The following AGBL4 variants were observed in gnomAD, a reference collection of about 807,000 sequenced individuals.
AGBL4 encodes the protein cytosolic carboxypeptidase 6.
Under a neutral mutation model 66.4 loss-of-function variants are expected in AGBL4, and 58 were observed. The ratio of observed to expected loss-of-function variants is 0.87; its 90% CI spans 0.71 to 1.09. AGBL4 has a LOEUF of 1.09. AGBL4 is among the 50% of genes least tolerant of loss of function. The probability of loss-of-function intolerance (pLI) is 0.00; values close to 1 mark genes in which losing one functional copy is unlikely to be tolerated. For synonymous variants in AGBL4, 234 were observed against 222.9 expected, an observed-to-expected ratio of 1.05 and a Z score of -0.44; for missense variants, 579 against 631.0, an observed-to-expected ratio of 0.92 and a Z score of 0.88.
intron 3 of AGBL4, among the ~76,000 whole-genome samples, chr1:49,634,767 G>A (rs892060566): frequency 6.6e-6 from 1 of 152,204 alleles, no homozygotes; most frequent in African/African-American, 2.4e-5. Flanking sequence ...TAACCGGCAT[G>A]AGATGGCAAA....
chr1:48,693,260 G>C (rs56990085), intron 6 of AGBL4, among the ~76,000 whole-genome samples: 1 of 152,114 alleles, frequency 6.6e-6, no homozygotes, highest in African/African-American at 2.4e-5. Flanking sequence ...GAAAGGGAGT[G>C]TATCTGAAGA....
rs113199370 is a variant in AGBL4 at position 49,618,792 on chromosome 1, C to A, written c.282+78521G>T. 8.7e-3 allele frequency among the ~76,000 whole-genome samples: 1,321 copies of A among 152,242 alleles called. 15 individuals are homozygous for A. The highest frequency in any genetic ancestry group is 0.031 in the African/African-American group (1,268 of 41,528). On this transcript the variant is annotated intron_variant, in intron 3 of 13. Transcript: ENST00000371839. ...CCACCATGATCAAGTTGGCTTCATC[C>A]CTGGGATGCAAGGCTGGTTCAACGT...
chr1:48,584,546 T>C (rs955166806), intron 11 of AGBL4: 1 of 152,152 alleles, frequency 6.6e-6, no homozygotes, highest in African/African-American at 2.4e-5. Context: ...TAAAACCCCA[T>C]CTCTGCTAAA....
At chr1:49,049,155 T>C (rs1255890363) in intron 4 of AGBL4, among the ~76,000 whole-genome samples, 1 of 152,108 alleles carries the variant, frequency 6.6e-6, no homozygotes, top group Non-Finnish European at 1.5e-5. Context: ...TAACACAATT[T>C]TGTGCCATAC....
intron 3 of AGBL4, among the ~76,000 whole-genome samples, chr1:49,370,574 C>T (rs1021781893): frequency 1.1e-4 from 17 of 152,150 alleles, no homozygotes; most frequent in Middle Eastern, 3.2e-3. Context: ...TTCACAGCAA[C>T]ATCTGGACTA....
intron 3 of AGBL4, among the ~76,000 whole-genome samples, chr1:49,652,112 C>T (rs1291743064): frequency 6.6e-6 from 1 of 152,030 alleles, no homozygotes; most frequent in African/African-American, 2.4e-5. Context: ...GCTTGAAGGC[C>T]AGTCTTTCTA....
At chr1:48,939,860 C>A (rs1460282562) in intron 5 of AGBL4, among the ~76,000 whole-genome samples, 1 of 152,162 alleles carries the variant, frequency 6.6e-6, no homozygotes, top group African/African-American at 2.4e-5. Flanking sequence ...AATTTTAACC[C>A]ACAGCGGACA....
intron 4 of AGBL4, among the ~76,000 whole-genome samples, chr1:49,102,195 C>T (rs1288504892): frequency 6.6e-6 from 1 of 152,226 alleles, no homozygotes; most frequent in East Asian, 1.9e-4. Flanking sequence ...AAAGAGAATC[C>T]AGAGACTATC....
intron 3 of AGBL4, among the ~76,000 whole-genome samples, chr1:49,267,883 A>G (rs1643960499): frequency 6.6e-6 from 1 of 152,088 alleles, no homozygotes; most frequent in Non-Finnish European, 1.5e-5. Context: ...AGATGTATTC[A>G]CTACCACAAG....
chr1:49,917,997 C>T (rs1163625968), intron 1 of AGBL4, among the ~76,000 whole-genome samples: 2 of 151,994 alleles, frequency 1.3e-5, no homozygotes, highest in African/African-American at 4.8e-5. Context: ...GGGTACATAA[C>T]GAAATGAAGG....
At chr1:48,554,268 A>G (rs1644290522) in intron 11 of AGBL4, among the ~76,000 whole-genome samples, 1 of 152,192 alleles carries the variant, frequency 6.6e-6, no homozygotes, top group Non-Finnish European at 1.5e-5. Flanking sequence ...GGAATGAGCA[A>G]TGTCCTGTGA....
chr1:49,124,259 C>T (rs921548875), intron 4 of AGBL4, among the ~76,000 whole-genome samples: 2 of 152,134 alleles, frequency 1.3e-5, no homozygotes, highest in Non-Finnish European at 2.9e-5. Flanking sequence ...TCCCCTGCCT[C>T]CAATCCTGGT....
intron 6 of AGBL4, among the ~76,000 whole-genome samples, chr1:48,709,109 A>C: frequency 6.6e-6 from 1 of 152,184 alleles, no homozygotes; most frequent in East Asian, 1.9e-4. Flanking sequence ...TACTTGGATA[A>C]GGTTCCCCTC....
At chr1:48,921,413 A>G (rs1654065636) in intron 5 of AGBL4, among the ~76,000 whole-genome samples, 1 of 152,184 alleles carries the variant, frequency 6.6e-6, no homozygotes, top group African/African-American at 2.4e-5. Flanking sequence ...AATATCAGAC[A>G]TATGCTACAA....
chr1:49,195,481 C>T (rs1253602590), intron 4 of AGBL4, among the ~76,000 whole-genome samples: 3 of 151,976 alleles, frequency 2.0e-5, no homozygotes, highest in African/African-American at 7.3e-5. Context: ...AAATGGGATC[C>T]CATTCTTTTC....
intron 5 of AGBL4, among the ~76,000 whole-genome samples, chr1:49,037,899 A>G (rs887765429): frequency 6.6e-6 from 1 of 152,118 alleles, no homozygotes; most frequent in Non-Finnish European, 1.5e-5. Flanking sequence ...TCACTAAATA[A>G]TTATAAAGTT....
intron 3 of AGBL4, among the ~76,000 whole-genome samples, chr1:49,503,906 T>A (rs1263502942): frequency 6.6e-6 from 1 of 152,174 alleles, no homozygotes; most frequent in Non-Finnish European, 1.5e-5. Context: ...CTGGAATGCA[T>A]GAAGACTTTG....
chr1:48,864,820 C>A (rs1369620750), intron 6 of AGBL4, among the ~76,000 whole-genome samples: 1 of 151,994 alleles, frequency 6.6e-6, no homozygotes, highest in Non-Finnish European at 1.5e-5. Flanking sequence ...GTCTCAGTTA[C>A]ATTTATAATT....
At chr1:49,775,004 A>T (rs1208649664) in intron 2 of AGBL4, among the ~76,000 whole-genome samples, 2 of 152,238 alleles carry the variant, frequency 1.3e-5, no homozygotes, top group Non-Finnish European at 2.9e-5. Flanking sequence ...AATGATAGTT[A>T]AGTAATTTAT....
Sources: gnomAD v4.1 joint callset for allele counts (sites outside exome capture counted in the v4.1 genomes callset) on GRCh38, gnomAD v4.1.1 for gene constraint, MANE v1.5 for transcripts, NCBI Gene and HGNC (gene_info 2026-07-23, HGNC 2026-07-21) for gene names.